The following ABCA8 variants were observed in gnomAD, a reference collection of about 807,000 sequenced individuals.
ABCA8 encodes the protein ATP binding cassette subfamily A member 8, also known as ABC-type organic anion transporter ABCA8.
Under a neutral mutation model 192.3 loss-of-function variants are expected in ABCA8, and 177 were observed. The observed-to-expected ratio is 0.92, with a 90% CI of 0.81 to 1.04. The LOEUF (loss-of-function observed/expected upper bound fraction) is 1.04, where lower values mean the gene tolerates loss of function less well. ABCA8 is among the 50% of genes least tolerant of loss of function. ABCA8 has a pLI of 0.00. For missense variants in ABCA8, 1,915 were observed against 1,904.8 expected (o/e 1.01, Z -0.10); for synonymous variants, 642 against 690.2 (o/e 0.93, Z 1.09).
rs1256420939 is a variant in ABCA8, at chr17:68,910,511, A to C, written c.2139-2632T>G. 2.0e-5 allele frequency among the ~76,000 whole-genome samples: 3 copies of C among 152,202 alleles called. No homozygotes were observed. The East Asian group carries it at 5.8e-4, about 29-fold the overall frequency. On this transcript the variant is annotated intron_variant, in intron 17 of 39. Transcript: ENST00000586539. Reference sequence around the variant, plus strand: ...TGGGGATCTAAATAAACGTAGGACCACAGGGACTGAAATTCCTGGGCAAGT... The same window carrying C: ...TGGGGATCTAAATAAACGTAGGACCCCAGGGACTGAAATTCCTGGGCAAGT...
At chr17:68,953,777 C>T (rs1158736965) in intron 1 of ABCA8, among the ~76,000 whole-genome samples, 3 of 152,182 alleles carry the variant, frequency 2.0e-5, no homozygotes, top group Non-Finnish European at 4.4e-5. Context: ...ATGTTCTTTG[C>T]TCAAGATTGA....
chr17:68,880,808 A>G (rs2066318741), intron 32 of ABCA8: 1 of 366,856 alleles, frequency 2.7e-6, no homozygotes. Context: ...GGCTGGTGGC[A>G]TGAACAGAGT....
chr17:68,922,223 T>TACA lies in ABCA8; in HGVS notation c.1501+18_1501+19insTGT. 1.2e-5 allele frequency: 2 copies of TACA among 170,530 alleles called. No homozygotes were observed. Among genetic ancestry groups the TACA allele is most frequent in the Non-Finnish European group, 2.0e-5 (2 of 102,240 alleles). 10.6% of individuals were successfully genotyped at this position (170,530 alleles called of 1,614,324 possible). Reference sequence around the variant, plus strand: ...TTTTTTTTTTTTTTTTTTTTTTTTTTTTTTTTTTTTTTTTTTACCTTTCAA... The same window carrying TACA: ...TTTTTTTTTTTTTTTTTTTTTTTTTTACATTTTTTTTTTTTTTTTACCTTTCAA... On this transcript the variant is annotated intron_variant, in intron 12 of 39. Coordinates refer to ENST00000586539, the MANE Select transcript of ABCA8 (RefSeq NM_001288985.2).
At position 68,906,164 on chromosome 17, in the gene ABCA8, C is replaced by G. The variant is rs2067062052; in HGVS notation, c.2279-1G>C. 1 of 1,562,684 alleles carries G rather than the reference C, an allele frequency of 6.4e-7. No individual in the cohort carries two copies. On this transcript the variant is annotated splice_acceptor_variant, in intron 18 of 39. Coordinates refer to ENST00000586539, the MANE Select transcript of ABCA8 (RefSeq NM_001288985.2). LOFTEE classifies it high-confidence loss of function. ...TAGCTATCAAGATCCTTGTAAAGTTCTAAAGAATACATATACAGCAGTGAA... is the reference window on the plus strand; with the variant it reads ...TAGCTATCAAGATCCTTGTAAAGTTGTAAAGAATACATATACAGCAGTGAA...
chr17:68,903,151 C>T (rs2066958563), intron 20 of ABCA8, 150 bp downstream of exon 20: 1 of 870,330 alleles, frequency 1.1e-6, no homozygotes, highest in African/African-American at 1.7e-5. Context: ...AAGATTCTGC[C>T]TCTCTCCTGT....
At chr17:68,948,102 T>G (rs1000865863) in intron 2 of ABCA8, among the ~76,000 whole-genome samples, 2 of 152,228 alleles carry the variant, frequency 1.3e-5, no homozygotes, top group Admixed American at 1.3e-4. Flanking sequence ...TGCATAGTAT[T>G]CCATGGTGTA....
rs917139514 is a variant in ABCA8, at chr17:68,883,844, T to A, written c.3654A>T (p.Arg1218=). 6.3e-7 allele frequency: 1 copy of A among 1,597,748 alleles called. No individual in the cohort carries two copies. The highest frequency in any genetic ancestry group is 1.7e-5 in the Admixed American group (1 of 57,204). Residue 1218 remains arginine (R), a synonymous_variant, in exon 29 of 40, where the codon CGA becomes CGT. Transcript: ENST00000586539. Reference sequence around the variant, plus strand: ...TCTTTCCAAACTTCCATTCCAGACATCGAAGAGTAAAAAGAAAAATGATAA... The same window carrying A: ...TCTTTCCAAACTTCCATTCCAGACAACGAAGAGTAAAAAGAAAAATGATAA... ...LHFIIFLFTL[R]CLEWKFGKKS...
chr17:68,947,484 T>C (rs1482884253), intron 2 of ABCA8, among the ~76,000 whole-genome samples: 2 of 152,176 alleles, frequency 1.3e-5, no homozygotes, highest in Non-Finnish European at 2.9e-5. Flanking sequence ...GCATTTTCTC[T>C]TTTTCTGTTC....
chr17:68,919,216 C>A, intron 14 of ABCA8, 85 bp downstream of exon 14: 1 of 1,273,298 alleles, frequency 7.9e-7, no homozygotes, highest in East Asian at 2.3e-5. Context: ...GATTTGCGCA[C>A]AAATAATTTA....
At chr17:68,869,553 G>T in intron 38 of ABCA8, 147 bp downstream of exon 38, 1 of 645,858 alleles carries the variant, frequency 1.5e-6, no homozygotes. Flanking sequence ...TATCTCCTTG[G>T]TTTGGGTCTT....
intron 37 of ABCA8, among the ~76,000 whole-genome samples, chr17:68,872,807 A>AAATGAAT (rs1328194646): frequency 1.3e-5 from 2 of 152,084 alleles, no homozygotes; most frequent in Admixed American, 1.3e-4. Context: ...TAGAAAAAAC[A>AAATGAAT]AATGAATAAT....
intron 19 of ABCA8, among the ~76,000 whole-genome samples, chr17:68,904,758 G>A (rs924770942): frequency 3.9e-5 from 6 of 152,116 alleles, no homozygotes; most frequent in Non-Finnish European, 5.9e-5. Flanking sequence ...TCAGAAAAAC[G>A]GAGAGAGAAA....
chr17:68,886,974 A>G lies in ABCA8; in HGVS notation c.3429+43T>C, dbSNP rs74748294. ...ATTTAAAGGATTAGCTCAGAATTGT[A>G]TATCAAATATATACAGTATACATCC... is the stretch of plus-strand genomic sequence containing the variant. On this transcript the variant is annotated intron_variant, in intron 26 of 39. Transcript: ENST00000586539. 140 of 1,363,734 alleles carry G rather than the reference A, an allele frequency of 1.0e-4. No individual in the cohort carries two copies. The East Asian group carries it at 2.8e-3, about 27-fold the overall frequency. 84.5% of individuals were successfully genotyped at this position (1,363,734 alleles called of 1,614,324 possible).
chr17:68,915,978 A>G (rs574005494), intron 17 of ABCA8, among the ~76,000 whole-genome samples: 1 of 152,206 alleles, frequency 6.6e-6, no homozygotes, highest in Admixed American at 6.5e-5. Context: ...GTGCAACAAC[A>G]TGGATGGAAT....
chr17:68,875,577 C>T lies in ABCA8; in HGVS notation c.4490+37G>A, dbSNP rs551076634. 3.7e-5 allele frequency: 60 copies of T among 1,608,134 alleles called. No homozygotes were observed. The African/African-American group carries it at 6.3e-4, about 17-fold the overall frequency. Reference sequence around the variant, plus strand: ...ACAGACAAAAATTTCCAGCAATGCACCTTGGGCTCAAGTGTGGGTCCAGGA... The same window carrying T: ...ACAGACAAAAATTTCCAGCAATGCATCTTGGGCTCAAGTGTGGGTCCAGGA... On this transcript the variant is annotated intron_variant, in intron 36 of 39. Transcript: ENST00000586539.
Position 68,929,657 on chromosome 17 carries a change from G to T in ABCA8, c.843C>A (p.Ala281=). ...LLYAGFIFIM[A]LFLALVIRST... ...ATCTTATAACAAGTGCCAAGAAAAG[G>T]GCCATAATGAAGATGAAACCAGCAT... is the stretch of plus-strand genomic sequence containing the variant. The change falls in exon 8 of 40, where the codon GCC becomes GCA. Residue 281 remains alanine (A), a synonymous_variant. Coordinates refer to ENST00000586539, the MANE Select transcript of ABCA8 (RefSeq NM_001288985.2). The T allele has an allele frequency of 6.2e-7, 1 of 1,612,954 alleles. No homozygotes were observed. The highest frequency in any genetic ancestry group is 8.5e-7 in the Non-Finnish European group (1 of 1,179,470).
chr17:68,881,537 C>T (rs1288800553), intron 31 of ABCA8, among the ~76,000 whole-genome samples: 1 of 152,230 alleles, frequency 6.6e-6, no homozygotes, highest in African/African-American at 2.4e-5. Flanking sequence ...CTGGCCAAGC[C>T]TTCAGAGTGT....
At chr17:68,902,127 CATAG>C (rs1264369229) in intron 21 of ABCA8, among the ~76,000 whole-genome samples, 1 of 152,120 alleles carries the variant, frequency 6.6e-6, no homozygotes, top group Non-Finnish European at 1.5e-5. Flanking sequence ...AGTATTGATA[CATAG>C]ATAAATGCTA....
At position 68,902,888 on chromosome 17, in the gene ABCA8, A is replaced by G. The variant is rs1440519452; in HGVS notation, c.2598-9T>C. ...CCATTAGAATTAATAGCCTACACAA[A>G]AGAAAATTGCCAAAATGAATGCAAT... On this transcript the variant is annotated splice_polypyrimidine_tract_variant and intron_variant, in intron 20 of 39. Coordinates refer to ENST00000586539, the MANE Select transcript of ABCA8 (RefSeq NM_001288985.2). 3.1e-6 allele frequency: 5 copies of G among 1,603,036 alleles called. No homozygotes were observed. Among genetic ancestry groups the G allele is most frequent in the Non-Finnish European group, 4.3e-6 (5 of 1,174,246 alleles).
Sources: gnomAD v4.1 joint callset for allele counts (sites outside exome capture counted in the v4.1 genomes callset) on GRCh38, gnomAD v4.1.1 for gene constraint, MANE v1.5 for transcripts, NCBI Gene and HGNC (gene_info 2026-07-23, HGNC 2026-07-21) for gene names.